Variants in INPP4B observed in about 807,000 individuals in gnomAD.
The protein encoded by INPP4B is inositol polyphosphate 4-phosphatase type II.
In INPP4B, 55 loss-of-function variants were observed where a neutral mutation model predicts 122.5. The ratio of observed to expected loss-of-function variants is 0.45; its 90% CI spans 0.36 to 0.56. INPP4B has a LOEUF of 0.56. Ranked by LOEUF, INPP4B falls within the 20% of genes least tolerant of loss-of-function variation. The probability of loss-of-function intolerance (pLI) is 0.00; values close to 1 mark genes in which losing one functional copy is unlikely to be tolerated. For missense variants in INPP4B, 1,000 were observed against 1,097.7 expected (o/e 0.91, Z 1.26); for synonymous variants, 403 against 388.7 (o/e 1.04, Z -0.43).
intron 2 of INPP4B, chr4:142,654,762 G>A (rs1393846119): frequency 6.6e-6 from 1 of 152,174 alleles, no homozygotes; most frequent in Non-Finnish European, 1.5e-5. Context: ...TTCAATTAAA[G>A]TCAGTAAATA....
rs57430432 is a variant in INPP4B at position 142,294,829 on chromosome 4, C to CAAAAAAAAAAAAAA, written c.503+10615_503+10628dup. On this transcript the variant is annotated intron_variant, in intron 9 of 25. Transcript: ENST00000262992. Reference sequence around the variant, plus strand: ...CGGGCGACAGAGCGAGACTCCGTCTCAAAAAAAAAAAAAAAAAAAAAAAAA... The same window carrying CAAAAAAAAAAAAAA: ...CGGGCGACAGAGCGAGACTCCGTCTCAAAAAAAAAAAAAAAAAAAAAAAAAAAAAAAAAAAAAAA... Among the ~76,000 whole-genome samples, 126 of 28,476 alleles carry CAAAAAAAAAAAAAA rather than the reference C, an allele frequency of 4.4e-3. 36 individuals carry two copies. Among genetic ancestry groups the CAAAAAAAAAAAAAA allele is most frequent in the African/African-American group, 6.7e-3 (55 of 8,250 alleles). 18.7% of individuals were successfully genotyped at this position (28,476 alleles called of 152,430 possible).
At chr4:142,661,620 TAAAC>T (rs1421198530) in intron 2 of INPP4B, among the ~76,000 whole-genome samples, 1 of 152,218 alleles carries the variant, frequency 6.6e-6, no homozygotes, top group Non-Finnish European at 1.5e-5. Flanking sequence ...AGAGTTTAAA[TAAAC>T]CCTTTTTAAA....
At chr4:142,071,208 CA>C (rs1257943757) in intron 25 of INPP4B, among the ~76,000 whole-genome samples, 1 of 152,116 alleles carries the variant, frequency 6.6e-6, no homozygotes, top group African/African-American at 2.4e-5. Flanking sequence ...TGATCTTTGA[CA>C]AACCTGACAA....
chr4:142,749,210 T>C (rs575487889), intron 1 of INPP4B, among the ~76,000 whole-genome samples: 49 of 147,292 alleles, frequency 3.3e-4, no homozygotes, highest in South Asian at 8.4e-4. Context: ...ATGTTTATTA[T>C]GTCTCAGCAT....
chr4:142,270,952 T>TGTGC (rs2150572843), intron 9 of INPP4B, among the ~76,000 whole-genome samples, 178 bp from the exon 10 acceptor site: 1 of 151,880 alleles, frequency 6.6e-6, no homozygotes, highest in African/African-American at 2.4e-5. Context: ...TGTGTGTGTG[T>TGTGC]GTGTGTGTTT....
chr4:142,632,485 A>C (rs961921147), intron 2 of INPP4B, among the ~76,000 whole-genome samples: 108 of 152,228 alleles, frequency 7.1e-4, no homozygotes, highest in African/African-American at 1.6e-3. Context: ...ATGGGTTCAA[A>C]TATACACTTG....
At chr4:142,236,186 TA>T (rs936179077) in intron 12 of INPP4B, among the ~76,000 whole-genome samples, 1 of 152,204 alleles carries the variant, frequency 6.6e-6, no homozygotes, top group African/African-American at 2.4e-5. Context: ...CCCTTCAGGA[TA>T]AAACGGTGAT....
chr4:142,580,269 C>T (rs561194277), intron 2 of INPP4B, among the ~76,000 whole-genome samples: 1 of 151,734 alleles, frequency 6.6e-6, no homozygotes, highest in East Asian at 1.9e-4. Flanking sequence ...TTTCTAACTT[C>T]AAAAGCAGCA....
At chr4:142,625,046 GA>G (rs1317013759) in intron 2 of INPP4B, among the ~76,000 whole-genome samples, 39 of 149,986 alleles carry the variant, frequency 2.6e-4, no homozygotes, top group Non-Finnish European at 5.4e-4. Context: ...GCAAAAACTG[GA>G]AGCATTCCCT....
chr4:142,276,738 A>C (rs1473740298), intron 9 of INPP4B, among the ~76,000 whole-genome samples: 1 of 151,896 alleles, frequency 6.6e-6, no homozygotes, highest in East Asian at 1.9e-4. Context: ...GTTGATCATC[A>C]GTTTTTCAGA....
At chr4:142,522,965 T>A (rs979966000) in intron 2 of INPP4B, among the ~76,000 whole-genome samples, 2 of 152,138 alleles carry the variant, frequency 1.3e-5, no homozygotes, top group Non-Finnish European at 2.9e-5. Flanking sequence ...GTAGCAGTCA[T>A]GTCTGATTAG....
chr4:142,146,433 T>C (rs1179037446), intron 17 of INPP4B, among the ~76,000 whole-genome samples: 1 of 152,154 alleles, frequency 6.6e-6, no homozygotes, highest in Non-Finnish European at 1.5e-5. Flanking sequence ...TATATTTCAG[T>C]AGCATTAAGT....
chr4:142,473,624 G>A (rs1376719778), intron 2 of INPP4B, among the ~76,000 whole-genome samples: 1 of 152,208 alleles, frequency 6.6e-6, no homozygotes, highest in African/African-American at 2.4e-5. Context: ...TTTGGTGCCT[G>A]AGAGCAGTAA....
intron 15 of INPP4B, among the ~76,000 whole-genome samples, chr4:142,188,486 C>CA (rs869298815): frequency 0.012 from 113 of 9,482 alleles, 3 homozygotes; most frequent in African/African-American, 0.041. Flanking sequence ...GACTCCATCT[C>CA]AAAAAAAAAA....
chr4:142,496,793 G>A (rs569198323), intron 2 of INPP4B: 3 of 152,214 alleles, frequency 2.0e-5, no homozygotes, highest in Admixed American at 6.5e-5. Flanking sequence ...CTCTGCTTCA[G>A]TTCATTAGAG....
At position 142,173,891 on chromosome 4, in the gene INPP4B, C is replaced by A. The variant is rs532939700; in HGVS notation, c.1182-82G>T. 9.3e-6 allele frequency: 10 copies of A among 1,071,338 alleles called. No homozygotes were observed. In the African/African-American group the frequency reaches 1.3e-4, roughly 14 times the overall value. The allele number at this position is 1,071,338 out of a possible 1,614,324, so 66.4% of individuals were successfully genotyped here. A position where few individuals can be genotyped will look rare whatever the true frequency, so the allele number is the denominator to read the frequency against. ...TTAATATCAGATGGCAAATGATAAA[C>A]AGAACTCCAAGTATCACTCTTTCCT... On this transcript the variant is annotated intron_variant, in intron 15 of 25. Coordinates refer to ENST00000262992, the MANE Select transcript of INPP4B (RefSeq NM_001101669.3).
intron 12 of INPP4B, among the ~76,000 whole-genome samples, chr4:142,209,882 G>C (rs1301769732): frequency 6.6e-6 from 1 of 150,898 alleles, no homozygotes; most frequent in Non-Finnish European, 1.5e-5. Context: ...CTGCCAAAAG[G>C]ACAATGTATG....
chr4:142,043,167 T>C (rs754476746), intron 25 of INPP4B, among the ~76,000 whole-genome samples: 8 of 152,146 alleles, frequency 5.3e-5, no homozygotes, highest in Non-Finnish European at 1.0e-4. Context: ...CCTAACTAAC[T>C]TTTCTCTTTA....
chr4:142,748,914 C>G (rs989903700), intron 1 of INPP4B, among the ~76,000 whole-genome samples: 10 of 151,880 alleles, frequency 6.6e-5, no homozygotes, highest in African/African-American at 2.4e-4. Context: ...CCAAGGCATT[C>G]AGGTCACTTG....
Sources: gnomAD v4.1 joint callset for allele counts (sites outside exome capture counted in the v4.1 genomes callset) on GRCh38, gnomAD v4.1.1 for gene constraint, MANE v1.5 for transcripts, NCBI Gene and HGNC (gene_info 2026-07-23, HGNC 2026-07-21) for gene names.